The following LARP1B variants were observed in gnomAD, a reference collection of about 807,000 sequenced individuals.
LARP1B encodes la-related protein 1B.
In LARP1B, 76 loss-of-function variants were observed where a neutral mutation model predicts 114.2. The ratio of observed to expected loss-of-function variants is 0.67; its 90% CI spans 0.55 to 0.81. The LOEUF (loss-of-function observed/expected upper bound fraction) is 0.81, where lower values mean the gene tolerates loss of function less well. Ranked by LOEUF, LARP1B falls within the 30% of genes least tolerant of loss-of-function variation. The pLI is 0.00. For synonymous variants in LARP1B, 345 were observed against 348.0 expected (o/e 0.99, Z 0.10); for missense variants, 1,014 against 1,075.8 (o/e 0.94, Z 0.80).
chr4:128,182,570 C>T (rs879452992), intron 15 of LARP1B, among the ~76,000 whole-genome samples: 2 of 152,122 alleles, frequency 1.3e-5, no homozygotes, highest in Non-Finnish European at 1.5e-5. Flanking sequence ...TCCATCTCTC[C>T]CCCTCTTCTT....
intron 11 of LARP1B, among the ~76,000 whole-genome samples, chr4:128,148,860 C>A (rs1731463734): frequency 6.6e-6 from 1 of 152,200 alleles, no homozygotes; most frequent in Admixed American, 6.5e-5. Context: ...GTCCTGACCT[C>A]AAGTAATCCA....
intron 5 of LARP1B, among the ~76,000 whole-genome samples, chr4:128,084,306 C>A (rs1772338722): frequency 1.3e-5 from 2 of 152,208 alleles, no homozygotes; most frequent in Non-Finnish European, 2.9e-5. Context: ...GAGCTGAGAT[C>A]ACGCCACTGC....
At chr4:128,122,830 A>C in intron 11 of LARP1B, 1 of 1,062,542 alleles carries the variant, frequency 9.4e-7, no homozygotes, top group Non-Finnish European at 1.1e-6. Context: ...CTAGTTATTA[A>C]GGTAAAATAG....
chr4:128,062,613 A>G (rs563217739), intron 1 of LARP1B, among the ~76,000 whole-genome samples: 4 of 57,484 alleles, frequency 7.0e-5, no homozygotes, highest in South Asian at 7.4e-4. Context: ...TTTTTTTTAC[A>G]TAAAAGGATT....
intron 9 of LARP1B, among the ~76,000 whole-genome samples, chr4:128,112,175 C>A (rs1338987871): frequency 1.3e-5 from 2 of 151,944 alleles, no homozygotes; most frequent in African/African-American, 2.4e-5. Context: ...TTACAGAGCA[C>A]CACTGTCCAA....
intron 10 of LARP1B, among the ~76,000 whole-genome samples, chr4:128,117,913 CTTT>C (rs35542391): frequency 1.9e-4 from 19 of 102,572 alleles, no homozygotes; most frequent in Admixed American, 3.5e-4. Flanking sequence ...AACAGAAAAT[CTTT>C]TTTTTTTTTT....
At chr4:128,142,669 T>C (rs996787145) in intron 11 of LARP1B, among the ~76,000 whole-genome samples, 1 of 151,912 alleles carries the variant, frequency 6.6e-6, no homozygotes, top group Non-Finnish European at 1.5e-5. Flanking sequence ...CCACCACACC[T>C]GGCTAATTTT....
intron 11 of LARP1B, chr4:128,155,576 G>T: frequency 1.2e-6 from 1 of 848,648 alleles, no homozygotes. Context: ...GGGCCCAGCA[G>T]TTGCCCCAGG....
At chr4:128,201,324 C>A (rs1755868941) in intron 17 of LARP1B, among the ~76,000 whole-genome samples, 1 of 152,160 alleles carries the variant, frequency 6.6e-6, no homozygotes, top group African/African-American at 2.4e-5. Flanking sequence ...TAGAGGCTGG[C>A]AGAAGGGCTG....
At chr4:128,196,806 A>G (rs1754309891) in intron 15 of LARP1B, among the ~76,000 whole-genome samples, 1 of 152,122 alleles carries the variant, frequency 6.6e-6, no homozygotes, top group Non-Finnish European at 1.5e-5. Context: ...TGGATAAGCA[A>G]GTATCCAACA....
intron 9 of LARP1B, chr4:128,107,862 G>A (rs1162099836): frequency 7.3e-6 from 11 of 1,502,160 alleles, no homozygotes; most frequent in South Asian, 1.2e-5. Context: ...GGGAAAAAAT[G>A]TGTGCTTAAA....
chr4:128,186,226 G>A (rs1750298861), intron 15 of LARP1B, among the ~76,000 whole-genome samples: 1 of 123,038 alleles, frequency 8.1e-6, no homozygotes, highest in South Asian at 2.9e-4. Flanking sequence ...TTTTGATAGG[G>A]ATGGAATTAA....
At chr4:128,175,142 A>G (rs1196979386) in intron 12 of LARP1B, among the ~76,000 whole-genome samples, 5 of 152,146 alleles carry the variant, frequency 3.3e-5, no homozygotes, top group Admixed American at 3.3e-4. Context: ...TATCTTCTTC[A>G]TATCATTTAG....
chr4:128,196,270 A>C (rs888783950), intron 15 of LARP1B, among the ~76,000 whole-genome samples: 3 of 149,112 alleles, frequency 2.0e-5, no homozygotes, highest in Non-Finnish European at 4.5e-5. Context: ...AAAAAAAAGA[A>C]AGAAAGAAAG....
chr4:128,114,000 A>G (rs12507742), intron 9 of LARP1B, among the ~76,000 whole-genome samples: 95,713 of 151,828 alleles, frequency 0.63, 30,619 homozygotes, highest in Middle Eastern at 0.81. Flanking sequence ...TGGTCAGGCC[A>G]GTCGACACTT....
chr4:128,091,963 A>G (rs1002981377), intron 7 of LARP1B, among the ~76,000 whole-genome samples: 2 of 152,164 alleles, frequency 1.3e-5, no homozygotes, highest in East Asian at 1.9e-4. Context: ...TTTTGATTAT[A>G]TATTTTTAGG....
chr4:128,199,294 T>C (rs935433385), intron 15 of LARP1B, 145 bp from the exon 16 acceptor site: 3 of 474,878 alleles, frequency 6.3e-6, no homozygotes, highest in Middle Eastern at 5.0e-4. Flanking sequence ...TGCAGATCTG[T>C]ATGTCATTAA....
At chr4:128,122,752 T>C in intron 11 of LARP1B, 1 of 1,202,488 alleles carries the variant, frequency 8.3e-7, no homozygotes, top group Non-Finnish European at 1.0e-6. Context: ...GTGCTAGGGT[T>C]ACTTTTTACA....
chr4:128,129,321 C>T (rs1249222403), intron 11 of LARP1B, among the ~76,000 whole-genome samples: 2 of 142,224 alleles, frequency 1.4e-5, no homozygotes, highest in Admixed American at 7.7e-5. Context: ...CACACTGCAG[C>T]CTGGGCGACA....
Sources: gnomAD v4.1 joint callset for allele counts (sites outside exome capture counted in the v4.1 genomes callset) on GRCh38, gnomAD v4.1.1 for gene constraint, MANE v1.5 for transcripts, NCBI Gene and HGNC (gene_info 2026-07-23, HGNC 2026-07-21) for gene names.